TXNL4A: variants seen among roughly 807,000 people sequenced by gnomAD.
TXNL4A encodes the protein thioredoxin-like protein 4A.
Under a neutral mutation model 14.6 loss-of-function variants are expected in TXNL4A, and 17 were observed. The ratio of observed to expected loss-of-function variants is 1.16; its 90% CI spans 0.80 to 1.74. The LOEUF is 1.74. Among genes scored for constraint, TXNL4A ranks in the 40% most tolerant of loss-of-function variants. The pLI is 0.00. For synonymous variants in TXNL4A, 83 were observed against 70.6 expected (o/e 1.18, Z -0.88); for missense variants, 74 against 195.2 (o/e 0.38, Z 3.70).
At chr18:79,986,607 C>T (rs2051552465) in intron 1 of TXNL4A, 1 of 985,450 alleles carries the variant, frequency 1.0e-6, no homozygotes, top group African/African-American at 1.7e-5. Context: ...CTTACATTAA[C>T]ACATAAAATC....
intron 1 of TXNL4A, chr18:79,986,552 C>T (rs2051551590): frequency 1.0e-6 from 1 of 983,006 alleles, no homozygotes; most frequent in South Asian, 4.7e-5. Context: ...AGAAATTGGA[C>T]ATAAAGGAGT....
upstream of TXNL4A, among the ~76,000 whole-genome samples, chr18:79,990,954 A>C (rs983461570): frequency 2.0e-5 from 3 of 151,930 alleles, no homozygotes; most frequent in Non-Finnish European, 4.4e-5. Context: ...AATACAAAAA[A>C]AAAATTAGCC....
At chr18:80,022,060 G>A (rs182146153) in intron 1 of TXNL4A, among the ~76,000 whole-genome samples, 1 of 151,938 alleles carries the variant, frequency 6.6e-6, no homozygotes, top group African/African-American at 2.4e-5. Context: ...TTAAACACTT[G>A]GATTAAATTT....
intron 2 of TXNL4A, among the ~76,000 whole-genome samples, chr18:79,975,686 T>C (rs1486959911): frequency 1.3e-5 from 2 of 152,132 alleles, no homozygotes; most frequent in Non-Finnish European, 2.9e-5. Context: ...GTGAGGAGTG[T>C]GTTACTGGGA....
At chr18:80,029,925 T>C (rs2051910452) in intron 1 of TXNL4A, among the ~76,000 whole-genome samples, 1 of 152,164 alleles carries the variant, frequency 6.6e-6, no homozygotes, top group African/African-American at 2.4e-5. Context: ...TCCATGAAGA[T>C]AAGGTGCCTG....
rs1021103340 is a variant in TXNL4A at position 80,008,408 on chromosome 18, C to T, written c.-61+25443G>A. Among the ~76,000 whole-genome samples the T allele has an allele frequency of 5.3e-5, 8 of 152,120 alleles. No individual in the cohort carries two copies. The East Asian group carries it at 5.8e-4, about 11-fold the overall frequency. On this transcript the variant is annotated intron_variant, in intron 1 of 2. Coordinates refer to the TXNL4A transcript ENST00000585474. ...CCCACAGCAGGCAAGCAGCCTCCTC[C>T]GCATTCTCCTCTTCCTCTTCTCATG...
At chr18:80,003,051 C>G (rs553285266) in intron 1 of TXNL4A, among the ~76,000 whole-genome samples, 1 of 152,362 alleles carries the variant, frequency 6.6e-6, no homozygotes, top group South Asian at 2.1e-4. Flanking sequence ...CACCCTTGAG[C>G]TGTCCTGGGA....
chr18:80,009,296 T>C (rs2051754013), intron 1 of TXNL4A, among the ~76,000 whole-genome samples: 1 of 152,208 alleles, frequency 6.6e-6, no homozygotes, highest in Non-Finnish European at 1.5e-5. Context: ...GAAACATCAG[T>C]GCCTCAGTTA....
chr18:80,028,203 A>T (rs1369614295), intron 1 of TXNL4A, among the ~76,000 whole-genome samples: 1 of 148,464 alleles, frequency 6.7e-6, no homozygotes, highest in East Asian at 2.0e-4. Flanking sequence ...CAACACCTGG[A>T]CCCGGTGGCT....
chr18:79,976,529 G>A (rs915597094), intron 2 of TXNL4A, among the ~76,000 whole-genome samples: 1 of 152,150 alleles, frequency 6.6e-6, no homozygotes, highest in African/African-American at 2.4e-5. Flanking sequence ...CTCCAGATAA[G>A]CACCCAGCCC....
intron 1 of TXNL4A, among the ~76,000 whole-genome samples, chr18:79,983,941 G>A (rs1030883552): frequency 1.3e-5 from 2 of 151,816 alleles, no homozygotes; most frequent in Non-Finnish European, 1.5e-5. Context: ...ACCCTCAACC[G>A]CCGCTCAACA....
chr18:80,006,671 C>T (rs2051733442), intron 1 of TXNL4A, among the ~76,000 whole-genome samples: 1 of 152,088 alleles, frequency 6.6e-6, no homozygotes, highest in South Asian at 2.1e-4. Context: ...GACGTAGACC[C>T]ACAATGAGTG....
rs921430655 is a variant in TXNL4A at position 79,982,021 on chromosome 18, G to A, written c.154-4320C>T. Reference sequence around the variant, plus strand: ...GTGATGCCCAGCCGCACGGGGAAGGGGCAGAGCTGAGATGCACTCTGTCTG... The same window carrying A: ...GTGATGCCCAGCCGCACGGGGAAGGAGCAGAGCTGAGATGCACTCTGTCTG... On this transcript the variant is annotated intron_variant, in intron 1 of 2. Coordinates refer to ENST00000269601, the MANE Select transcript of TXNL4A (RefSeq NM_006701.5). This position sits in a 1 kb window ranked among gnomAD's most constrained non-coding sequence, Gnocchi z 4.0. Among the ~76,000 whole-genome samples, 5 of 152,214 alleles carry A rather than the reference G, an allele frequency of 3.3e-5. No individual in the cohort carries two copies. Among genetic ancestry groups the A allele is most frequent in the African/African-American group, 9.6e-5 (4 of 41,452 alleles).
At chr18:80,031,895 G>A (rs1326466873) in intron 1 of TXNL4A, among the ~76,000 whole-genome samples, 1 of 152,216 alleles carries the variant, frequency 6.6e-6, no homozygotes, top group Non-Finnish European at 1.5e-5. Context: ...TGGGGAACTT[G>A]GTGGCACAAG....
intron 1 of TXNL4A, among the ~76,000 whole-genome samples, chr18:79,999,191 T>G (rs1285009960): frequency 6.6e-6 from 1 of 152,160 alleles, no homozygotes; most frequent in Admixed American, 6.5e-5. Flanking sequence ...TGGAGGATAT[T>G]TAGCCTCCTC....
Position 80,011,564 on chromosome 18 carries a change from G to A in TXNL4A, c.-61+22287C>T, listed in dbSNP as rs536171803. On this transcript the variant is annotated intron_variant, in intron 1 of 2. Coordinates refer to the TXNL4A transcript ENST00000585474. The surrounding 1 kb of genome is among the most constrained non-coding windows in gnomAD (Gnocchi z 4.1). ...CCAGATGAGTTGGTCTCCCCTGTGTGAGACACCCATGGGGAGCCATGAGCA... is the reference window on the plus strand; with the variant it reads ...CCAGATGAGTTGGTCTCCCCTGTGTAAGACACCCATGGGGAGCCATGAGCA... Among the ~76,000 whole-genome samples, 2 of 152,248 alleles carry A rather than the reference G, an allele frequency of 1.3e-5. No homozygotes were observed. Among genetic ancestry groups the A allele is most frequent in the South Asian group, 2.1e-4 (1 of 4,828 alleles).
rs1379192229 is a variant in TXNL4A at position 80,011,420 on chromosome 18, T to C, written c.-61+22431A>G. 1.3e-5 allele frequency among the ~76,000 whole-genome samples: 2 copies of C among 152,174 alleles called. No homozygotes were observed. The highest frequency in any genetic ancestry group is 2.9e-5 in the Non-Finnish European group (2 of 68,032). On this transcript the variant is annotated intron_variant, in intron 1 of 2. Coordinates refer to the TXNL4A transcript ENST00000585474. This position sits in a 1 kb window ranked among gnomAD's most constrained non-coding sequence, Gnocchi z 4.1. ...GCCCACTACTTCAGCTATAAGGACA[T>C]TGAGAGTTTATTTTGCATTACCACT...
chr18:79,996,114 A>AAC lies in TXNL4A; in HGVS notation c.-60-18414_-60-18413insGT, dbSNP rs1276734892. Among the ~76,000 whole-genome samples the AAC allele has an allele frequency of 6.0e-5, 9 of 150,782 alleles. No homozygotes were observed. The East Asian group carries it at 1.2e-3, about 19-fold the overall frequency. On this transcript the variant is annotated intron_variant, in intron 1 of 2. Coordinates refer to the TXNL4A transcript ENST00000585474. Reference sequence around the variant, plus strand: ...GCAAGACTCTGACTCAAAAAAAAAAAAAAAAAAAAAAAACGGCCAGGACAG... The same window carrying AAC: ...GCAAGACTCTGACTCAAAAAAAAAAAACAAAAAAAAAAAAACGGCCAGGACAG...
chr18:79,993,223 T>C (rs571044986), upstream of TXNL4A, among the ~76,000 whole-genome samples: 5 of 152,282 alleles, frequency 3.3e-5, no homozygotes, highest in East Asian at 9.7e-4. The surrounding 1 kb of genome is among the most constrained non-coding windows in gnomAD (Gnocchi z 4.4). Context: ...TAGCCTAAAC[T>C]GGTAGGACAA....
Sources: gnomAD v4.1 joint callset for allele counts (sites outside exome capture counted in the v4.1 genomes callset) on GRCh38, gnomAD v4.1.1 for gene constraint, Gnocchi (gnomAD v3.1) non-coding constraint, MANE v1.5 for transcripts, NCBI Gene and HGNC (gene_info 2026-07-23, HGNC 2026-07-21) for gene names.